ARG2: variants seen among roughly 807,000 people sequenced by gnomAD.
ARG2 encodes the protein arginase 2.
Under a neutral mutation model 39.4 loss-of-function variants are expected in ARG2, and 21 were observed. The ratio of observed to expected loss-of-function variants is 0.53; its 90% CI spans 0.38 to 0.77. The LOEUF (loss-of-function observed/expected upper bound fraction) is 0.77. Ranked by LOEUF, ARG2 falls within the 30% of genes least tolerant of loss-of-function variation. The pLI is 0.00. For missense variants in ARG2, 378 were observed against 426.2 expected, an observed-to-expected ratio of 0.89 and a Z score of 1.00; for synonymous variants, 150 against 156.7, an observed-to-expected ratio of 0.96 and a Z score of 0.32.
chr14:67,621,300 G>A (rs1384152598), intron 2 of ARG2, among the ~76,000 whole-genome samples: 2 of 152,138 alleles, frequency 1.3e-5, no homozygotes, highest in South Asian at 4.1e-4. Flanking sequence ...TCCATCTTGA[G>A]ATGCTTATGA....
chr14:67,635,035 AGGGGTTTGAGACCAGCCTC>A, intron 2 of ARG2, among the ~76,000 whole-genome samples: 1 of 152,324 alleles, frequency 6.6e-6, no homozygotes, highest in South Asian at 2.1e-4. Flanking sequence ...GCCTGAGGCC[AGGGGTTTGAGACCAGCCTC>A]GGTAAAATGG....
chr14:67,620,822 A>G, intron 1 of ARG2, 72 bp from the exon 2 acceptor site: 1 of 1,504,612 alleles, frequency 6.6e-7, no homozygotes, highest in East Asian at 2.3e-5. Context: ...CCTGCTGGGA[A>G]CTAAATGTAC....
At chr14:67,630,969 TG>T (rs1167400333) in intron 2 of ARG2, among the ~76,000 whole-genome samples, 2 of 152,178 alleles carry the variant, frequency 1.3e-5, no homozygotes, top group Non-Finnish European at 2.9e-5. Flanking sequence ...GAAGAATGAA[TG>T]TTGGGTAACT....
chr14:67,650,740 T>G lies in ARG2; in HGVS notation c.885T>G (p.Val295=), dbSNP rs147982459. 1,006 of 1,614,056 alleles carry G rather than the reference T, an allele frequency of 6.2e-4. 4 individuals carry two copies. Among genetic ancestry groups the G allele is most frequent in the Middle Eastern group, 6.0e-3 (36 of 5,984 alleles). Reference sequence around the variant, plus strand: ...GGTTGCTATCAGCACTGGATCTTGTTGAAGTCAATCCTCAGTTGGCCACCT... The same window carrying G: ...GGTTGCTATCAGCACTGGATCTTGTGGAAGTCAATCCTCAGTTGGCCACCT... ...NTGLLSALDL[V]EVNPQLATSE... The change falls in exon 8 of 8, where the codon GTT becomes GTG. Residue 295 remains valine, a synonymous_variant. Transcript: ENST00000261783.
intron 4 of ARG2, among the ~76,000 whole-genome samples, chr14:67,646,295 C>T (rs2037097984): frequency 6.6e-6 from 1 of 152,158 alleles, no homozygotes; most frequent in Admixed American, 6.5e-5. Flanking sequence ...GAGATGGCAA[C>T]CAGGTTATGC....
chr14:67,620,918 C>A lies in ARG2; in HGVS notation c.136C>A (p.Pro46Thr), dbSNP rs771701436. 2 of 1,614,128 alleles carry A rather than the reference C, an allele frequency of 1.2e-6. No individual in the cohort carries two copies. Among genetic ancestry groups the A allele is most frequent in the Non-Finnish European group, 8.5e-7 (1 of 1,180,000 alleles). Residue 46 changes from proline to threonine, a missense_variant, in exon 2 of 8, where the codon CCC (proline) becomes ACC (threonine). Pro to Thr is a conservative substitution (Grantham distance 38, BLOSUM62 -1). Transcript: ENST00000261783. ...GAAAAGAAAAGGAGTGGAGCATGGTCCCGCTGCCATAAGAGAAGCTGGCTT... is the reference window on the plus strand; with the variant it reads ...GAAAAGAAAAGGAGTGGAGCATGGTACCGCTGCCATAAGAGAAGCTGGCTT... ...GQKRKGVEHG[P>T]AAIREAGLMK...
chr14:67,645,245 C>G (rs1594829310), intron 3 of ARG2, among the ~76,000 whole-genome samples: 1 of 151,796 alleles, frequency 6.6e-6, no homozygotes, highest in East Asian at 1.9e-4. Flanking sequence ...AACCCCTGGG[C>G]TCATGTGATC....
chr14:67,640,619 A>C (rs1254390353), intron 2 of ARG2, among the ~76,000 whole-genome samples: 1 of 152,230 alleles, frequency 6.6e-6, no homozygotes. Flanking sequence ...TGCAAATATT[A>C]AGATACGCCA....
intron 4 of ARG2, 150 bp from the exon 5 acceptor site, chr14:67,646,491 TCTC>T (rs1311013878): frequency 5.1e-5 from 30 of 586,378 alleles, no homozygotes; most frequent in Admixed American, 1.3e-4. Context: ...TTGTGTCACT[TCTC>T]CTTCCCAGAT....
rs1345639337 is a variant in ARG2, at chr14:67,632,969, C to T, written c.185-9217C>T. On this transcript the variant is annotated intron_variant, in intron 2 of 7. Coordinates refer to ENST00000261783, the MANE Select transcript of ARG2 (RefSeq NM_001172.4). ...CTGAGTAGCTGGGACTACAGGCGCC[C>T]GCCACCACGCCCGGCTAATTTTTCG... Among the ~76,000 whole-genome samples the T allele has an allele frequency of 7.3e-5, 11 of 151,444 alleles. No homozygotes were observed. In the East Asian group the frequency reaches 1.4e-3, roughly 19 times the overall value.
Position 67,645,905 on chromosome 14 carries a change from T to C in ARG2, c.522+103T>C, listed in dbSNP as rs1211543362. 4 of 1,290,474 alleles carry C rather than the reference T, an allele frequency of 3.1e-6. No homozygotes were observed. The African/African-American group carries it at 4.4e-5, about 14-fold the overall frequency. The allele number at this position is 1,290,474 out of a possible 1,614,324, so 79.9% of individuals were successfully genotyped here. On this transcript the variant is annotated intron_variant, in intron 4 of 7. Transcript: ENST00000261783. Reference sequence around the variant, plus strand: ...TGGTGAAGGGTGGGTTGAGTGTGGATTACCACTCCTTCATTTGTTCATCAC... The same window carrying C: ...TGGTGAAGGGTGGGTTGAGTGTGGACTACCACTCCTTCATTTGTTCATCAC...
chr14:67,636,240 A>T (rs2036970898), intron 2 of ARG2, among the ~76,000 whole-genome samples: 1 of 151,908 alleles, frequency 6.6e-6, no homozygotes, highest in South Asian at 2.1e-4. Context: ...CAGTAGGGAG[A>T]ATGGGATAGT....
Position 67,651,686 on chromosome 14 carries a change from C to A in ARG2, c.*766C>A. ...ACCTCACAGAAATGTTAAACTGAGACAATAAAAACCAAAGCATAAAAATGG... is the reference window on the plus strand; with the variant it reads ...ACCTCACAGAAATGTTAAACTGAGAAAATAAAAACCAAAGCATAAAAATGG... On this transcript the variant is annotated 3_prime_UTR_variant, in exon 8 of 8. Transcript: ENST00000261783. 4 of 420,960 alleles carry A rather than the reference C, an allele frequency of 9.5e-6. No individual in the cohort carries two copies. The highest frequency in any genetic ancestry group is 4.5e-5 in the East Asian group (1 of 22,254). The allele number at this position is 420,960 out of a possible 1,614,324, so 26.1% of individuals were successfully genotyped here. A position where few individuals can be genotyped will look rare whatever the true frequency, so the allele number is the denominator to read the frequency against.
Position 67,647,042 on chromosome 14 carries a change from G to C in ARG2, c.722+17G>C. ...GATTGGCAAGTAAGTAACTATAACTGATGTCAGGGCAAACCCCCAATGGGC... is the reference window on the plus strand; with the variant it reads ...GATTGGCAAGTAAGTAACTATAACTCATGTCAGGGCAAACCCCCAATGGGC... On this transcript the variant is annotated intron_variant, in intron 6 of 7. Transcript: ENST00000261783. 1 of 1,533,676 alleles carries C rather than the reference G, an allele frequency of 6.5e-7. No individual in the cohort carries two copies. The highest frequency in any genetic ancestry group is 9.0e-7 in the Non-Finnish European group (1 of 1,108,054).
At chr14:67,646,181 A>G (rs2037096518) in intron 4 of ARG2, among the ~76,000 whole-genome samples, 1 of 152,140 alleles carries the variant, frequency 6.6e-6, no homozygotes. Context: ...TTAGGCACAG[A>G]CTAGAATCTG....
intron 2 of ARG2, among the ~76,000 whole-genome samples, chr14:67,621,359 G>T (rs1594820658): frequency 6.6e-6 from 1 of 151,972 alleles, no homozygotes; most frequent in Non-Finnish European, 1.5e-5. Flanking sequence ...CCTCTCTAGG[G>T]TTAATATCTT....
intron 3 of ARG2, among the ~76,000 whole-genome samples, chr14:67,645,434 A>T (rs1461275711): frequency 6.6e-6 from 1 of 152,196 alleles, no homozygotes; most frequent in Non-Finnish European, 1.5e-5. Context: ...CAGGGTAGCA[A>T]GTCACCAGCT....
At chr14:67,645,561 T>G (rs962030754) in intron 3 of ARG2, 82 bp from the exon 4 acceptor site, 4 of 1,494,350 alleles carry the variant, frequency 2.7e-6, no homozygotes, top group Non-Finnish European at 3.6e-6. Flanking sequence ...GGAGAGAGTA[T>G]AAGTTGTTTT....
chr14:67,649,245 G>C (rs1163318931), intron 7 of ARG2: 3 of 152,150 alleles, frequency 2.0e-5, no homozygotes, highest in Non-Finnish European at 4.4e-5. Context: ...CATGGGGCTA[G>C]GCACAGTGGT....
Sources: gnomAD v4.1 joint callset for allele counts (sites outside exome capture counted in the v4.1 genomes callset) on GRCh38, gnomAD v4.1.1 for gene constraint, MANE v1.5 for transcripts, NCBI Gene and HGNC (gene_info 2026-07-23, HGNC 2026-07-21) for gene names.